MAMLD1: variants seen among roughly 807,000 people sequenced by gnomAD.
MAMLD1 encodes the protein mastermind-like domain-containing protein 1.
MAMLD1 carries 14 observed loss-of-function variants against 45.0 expected under a neutral mutation model. The observed-to-expected ratio is 0.31, with a 90% CI of 0.21 to 0.49. The LOEUF (loss-of-function observed/expected upper bound fraction) is 0.49. MAMLD1 is among the 20% of genes least tolerant of loss of function. MAMLD1 has a pLI of 0.99. For synonymous variants in MAMLD1, 254 were observed against 247.8 expected, an observed-to-expected ratio of 1.02 and a Z score of -0.24; for missense variants, 543 against 603.6, an observed-to-expected ratio of 0.90 and a Z score of 1.05.
At chrX:150,466,538 G>A (rs190902634) in intron 3 of MAMLD1, among the ~76,000 whole-genome samples, 1 of 112,085 alleles carries the variant, frequency 8.9e-6, no homozygotes, top group East Asian at 2.8e-4. Context: ...CCCTTTATTA[G>A]GCATCCTTAT....
intron 6 of MAMLD1, 87 bp downstream of exon 6, chrX:150,503,604 T>C: frequency 1.7e-6 from 1 of 587,652 alleles, no homozygotes; most frequent in Non-Finnish European, 2.9e-6. Flanking sequence ...CCTCACAGGG[T>C]TGTTGGGAGG....
At chrX:150,421,816 G>C (rs1557403559) in intron 1 of MAMLD1, among the ~76,000 whole-genome samples, 1 of 112,285 alleles carries the variant, frequency 8.9e-6, no homozygotes. Flanking sequence ...TCTGGGGGAA[G>C]AGGGATGTCT....
chrX:150,410,091 G>A (rs1557402784), intron 1 of MAMLD1, among the ~76,000 whole-genome samples: 2 of 111,420 alleles, frequency 1.8e-5, no homozygotes, highest in East Asian at 2.8e-4. Flanking sequence ...CCTGGAGGTC[G>A]CAGACCTTGG....
chrX:150,489,617 T>C (rs2037112050), intron 5 of MAMLD1, among the ~76,000 whole-genome samples: 1 of 107,109 alleles, frequency 9.3e-6, no homozygotes, highest in Non-Finnish European at 1.9e-5. Context: ...ACCAGCCTAA[T>C]ATTATACCAC....
intron 6 of MAMLD1, chrX:150,504,835 T>G: frequency 2.7e-6 from 2 of 754,294 alleles, no homozygotes; most frequent in African/African-American, 4.6e-5. Flanking sequence ...CCTGAGGGCC[T>G]TTGAGGGTCA....
At position 150,473,817 on chromosome X, in the gene MAMLD1, TTTG is replaced by T. The variant is rs1557406720; in HGVS notation, c.2040+18_2040+20del. 5 of 1,208,220 alleles carry T rather than the reference TTTG, an allele frequency of 4.1e-6. No homozygotes were observed. In the South Asian group the frequency reaches 8.8e-5, roughly 21 times the overall value. Reference sequence around the variant, plus strand: ...CGTCTAACATTGTGAGCCTTTCTGTTTTGTTTTGTCTTCAATTGGGTACATTTT... The same window carrying T: ...CGTCTAACATTGTGAGCCTTTCTGTTTTTTGTCTTCAATTGGGTACATTTT... On this transcript the variant is annotated intron_variant, in intron 5 of 7. Coordinates refer to ENST00000370401, the MANE Select transcript of MAMLD1 (RefSeq NM_005491.5).
At chrX:150,362,431 CCTCCT>C (rs781903483), upstream of MAMLD1, among the ~76,000 whole-genome samples, 6 of 108,682 alleles carry the variant, frequency 5.5e-5, no homozygotes, top group Non-Finnish European at 9.6e-5. Flanking sequence ...CTCCTTATTT[CCTCCT>C]CTCCTCTCCT....
At chrX:150,477,007 C>T (rs1414673312) in intron 5 of MAMLD1, among the ~76,000 whole-genome samples, 2 of 113,110 alleles carry the variant, frequency 1.8e-5, no homozygotes, top group African/African-American at 6.4e-5. Flanking sequence ...GCAGTACTTC[C>T]AGCACCCAGG....
intron 6 of MAMLD1, among the ~76,000 whole-genome samples, chrX:150,507,045 T>C (rs782668484): frequency 4.5e-5 from 5 of 112,095 alleles, no homozygotes; most frequent in African/African-American, 1.3e-4. Context: ...GGGGTCACCA[T>C]GAGAGAAGCA....
At chrX:150,398,317 GAAGAAGAAGAAGAAGAAGAA>G (rs1569564585) in intron 1 of MAMLD1, among the ~76,000 whole-genome samples, 20 of 97,428 alleles carry the variant, frequency 2.1e-4, no homozygotes, top group African/African-American at 4.5e-4. Context: ...AGAAGAAGAA[GAAGAAGAAGAAGAAGAAGAA>G]GAAGAGGAAG....
chrX:150,429,306 A>G (rs1200000481), intron 1 of MAMLD1, among the ~76,000 whole-genome samples: 7 of 107,382 alleles, frequency 6.5e-5, no homozygotes, highest in Non-Finnish European at 1.2e-4. Context: ...TTTTTTTTTA[A>G]ATAAGAAAGT....
chrX:150,506,720 A>G (rs1369070906), intron 6 of MAMLD1, among the ~76,000 whole-genome samples: 1 of 112,713 alleles, frequency 8.9e-6, no homozygotes, highest in Non-Finnish European at 1.9e-5. Context: ...AGGTGATTGC[A>G]CCTGGGTAAA....
chrX:150,435,783 A>AT (rs2035105216), intron 1 of MAMLD1, among the ~76,000 whole-genome samples: 2 of 112,097 alleles, frequency 1.8e-5, no homozygotes, highest in African/African-American at 6.5e-5. Context: ...ATTATACAGG[A>AT]TTTTTTGTGT....
intron 5 of MAMLD1, among the ~76,000 whole-genome samples, chrX:150,489,973 A>G (rs1284415064): frequency 9.0e-6 from 1 of 111,075 alleles, no homozygotes; most frequent in Non-Finnish European, 1.9e-5. Flanking sequence ...GCCAATAGAG[A>G]GTCCTTGAGC....
chrX:150,434,957 A>G (rs1400707939), intron 1 of MAMLD1, among the ~76,000 whole-genome samples: 1 of 111,090 alleles, frequency 9.0e-6, no homozygotes, highest in Non-Finnish European at 1.9e-5. Context: ...CAGGTCCTAA[A>G]TATCTTTGTT....
intron 1 of MAMLD1, among the ~76,000 whole-genome samples, chrX:150,368,739 T>G (rs2031725591): frequency 8.9e-6 from 1 of 112,280 alleles, no homozygotes; most frequent in South Asian, 3.7e-4. Context: ...AATTTTTGTA[T>G]AAGGTATAAG....
At chrX:150,469,655 CTGTG>C (rs1557406186) in intron 3 of MAMLD1, 86 bp from the exon 4 acceptor site, 7 of 406,214 alleles carry the variant, frequency 1.7e-5, no homozygotes, top group African/African-American at 9.6e-5. Context: ...CTCTCTCTCT[CTGTG>C]TGTGTGTGTG....
chrX:150,479,142 T>A (rs1431945268), intron 5 of MAMLD1, among the ~76,000 whole-genome samples: 1 of 112,340 alleles, frequency 8.9e-6, no homozygotes. Context: ...ATTTTTCTTT[T>A]TCAAAAAGCG....
rs1715478855 is a variant in MAMLD1, at chrX:150,512,179, G to A, written c.*220G>A. 1.8e-6 allele frequency: 2 copies of A among 1,140,161 alleles called. No individual in the cohort carries two copies. Among genetic ancestry groups the A allele is most frequent in the Non-Finnish European group, 2.3e-6 (2 of 864,545 alleles). The allele number at this position is 1,140,161 out of a possible 1,213,427, so 94.0% of individuals were successfully genotyped here. ...TGGGAGTGATCTCACCAACTCTGGG[G>A]AAGCGGCAAGGAATTTTCACCTCCA... is the stretch of plus-strand genomic sequence containing the variant. On this transcript the variant is annotated 3_prime_UTR_variant, in exon 8 of 8. Transcript: ENST00000370401.
Sources: gnomAD v4.1 joint callset for allele counts (sites outside exome capture counted in the v4.1 genomes callset) on GRCh38, gnomAD v4.1.1 for gene constraint, MANE v1.5 for transcripts, NCBI Gene and HGNC (gene_info 2026-07-23, HGNC 2026-07-21) for gene names.